Variants in GRID1 observed in about 807,000 individuals in gnomAD.
GRID1 encodes the protein glutamate receptor ionotropic, delta-1.
Under a neutral mutation model 98.0 loss-of-function variants are expected in GRID1, and 28 were observed. The observed-to-expected ratio is 0.29, with a 90% confidence interval of 0.21 to 0.39. The LOEUF is 0.39. Among genes scored for constraint, GRID1 ranks in the 10% least tolerant of loss-of-function variants. The probability of loss-of-function intolerance (pLI) is 1.00; values close to 1 mark genes in which losing one functional copy is unlikely to be tolerated. For missense variants in GRID1, 1,111 were observed against 1,340.5 expected (o/e 0.83, Z 2.67); for synonymous variants, 553 against 538.5 (o/e 1.03, Z -0.37).
intron 2 of GRID1, among the ~76,000 whole-genome samples, chr10:86,227,951 G>T (rs1459835836): frequency 6.6e-6 from 1 of 152,130 alleles, no homozygotes; most frequent in Non-Finnish European, 1.5e-5. Context: ...CAGACAGATG[G>T]GTAGGTAGAT....
intron 4 of GRID1, among the ~76,000 whole-genome samples, chr10:86,100,958 A>C (rs1276845508): frequency 6.6e-6 from 1 of 152,108 alleles, no homozygotes; most frequent in African/African-American, 2.4e-5. Context: ...GTGAGACTTG[A>C]GGCTGTTTGT....
chr10:85,955,314 T>C (rs1349167021), intron 4 of GRID1, among the ~76,000 whole-genome samples: 1 of 152,104 alleles, frequency 6.6e-6, no homozygotes, highest in Non-Finnish European at 1.5e-5. Context: ...AAACAACATA[T>C]GGAGACACCA....
At chr10:85,868,685 C>T (rs1400184988) in intron 6 of GRID1, among the ~76,000 whole-genome samples, 1 of 152,188 alleles carries the variant, frequency 6.6e-6, no homozygotes, top group African/African-American at 2.4e-5. Context: ...ACTCCACCCC[C>T]AGCCCTGCCA....
Position 85,684,681 on chromosome 10 carries a change from A to C in GRID1, c.1998-37284T>G, listed in dbSNP as rs77231499. Among the ~76,000 whole-genome samples, 865 of 152,358 alleles carry C rather than the reference A, an allele frequency of 5.7e-3. 33 individuals are homozygous for C. The highest frequency in any genetic ancestry group is 0.052 in the Admixed American group (792 of 15,288). ...TCCTTTGAGAGAAGAAACAAAATGC[A>C]TAAGTCCACCATACTATTTAGCTCA... On this transcript the variant is annotated intron_variant, in intron 12 of 15. Coordinates refer to ENST00000327946, the MANE Select transcript of GRID1 (RefSeq NM_017551.3).
chr10:86,346,058 C>T (rs1589456889), intron 2 of GRID1, among the ~76,000 whole-genome samples: 2 of 152,246 alleles, frequency 1.3e-5, no homozygotes, highest in Admixed American at 1.3e-4. Context: ...TCCCACACCC[C>T]TGGGCAGGCT....
At chr10:86,342,915 G>A (rs983172050) in intron 2 of GRID1, among the ~76,000 whole-genome samples, 1 of 152,226 alleles carries the variant, frequency 6.6e-6, no homozygotes, top group Middle Eastern at 3.2e-3. Flanking sequence ...AGATCCTGGC[G>A]TTCCTTGGTG....
At chr10:86,019,465 C>G (rs958547989) in intron 4 of GRID1, among the ~76,000 whole-genome samples, 2 of 152,238 alleles carry the variant, frequency 1.3e-5, no homozygotes, top group Non-Finnish European at 2.9e-5. Context: ...GGGCATTTCC[C>G]CTTTCCTGCC....
intron 13 of GRID1, among the ~76,000 whole-genome samples, chr10:85,637,763 A>T (rs79408710): frequency 0.033 from 5,051 of 152,308 alleles, 125 homozygotes; most frequent in Non-Finnish European, 0.047. Context: ...CTTATAGATT[A>T]TAAAATATGT....
chr10:86,318,741 C>CTCATTCAT (rs936520453), intron 2 of GRID1, among the ~76,000 whole-genome samples: 4 of 152,202 alleles, frequency 2.6e-5, no homozygotes, highest in Non-Finnish European at 5.9e-5. Context: ...CATTCACTCC[C>CTCATTCAT]TCATTCATTC....
chr10:86,255,319 A>G (rs999389360), intron 2 of GRID1, among the ~76,000 whole-genome samples: 4 of 152,242 alleles, frequency 2.6e-5, no homozygotes, highest in African/African-American at 9.6e-5. Context: ...CTCCATCCCA[A>G]GGGATCAATG....
intron 8 of GRID1, among the ~76,000 whole-genome samples, chr10:85,788,380 T>G (rs566158019): frequency 6.6e-6 from 1 of 152,194 alleles, no homozygotes; most frequent in Admixed American, 6.5e-5. Context: ...TTAATTATTA[T>G]GTTTAGGTGT....
intron 4 of GRID1, among the ~76,000 whole-genome samples, chr10:86,035,345 T>C (rs1412472657): frequency 2.0e-5 from 3 of 152,224 alleles, no homozygotes; most frequent in African/African-American, 2.4e-5. Flanking sequence ...TCCTGAAGGA[T>C]TGAGTTCCAA....
intron 2 of GRID1, among the ~76,000 whole-genome samples, chr10:86,299,344 A>G (rs77495349): frequency 4.5e-5 from 3 of 67,254 alleles, no homozygotes; most frequent in Non-Finnish European, 1.0e-4. Context: ...TTTTTTTTTT[A>G]TCATTATACT....
chr10:86,113,405 T>C (rs1301980313), intron 4 of GRID1, among the ~76,000 whole-genome samples: 1 of 152,184 alleles, frequency 6.6e-6, no homozygotes, highest in Non-Finnish European at 1.5e-5. Flanking sequence ...ACTTTTGCAA[T>C]GGTAAAGGTC....
intron 2 of GRID1, among the ~76,000 whole-genome samples, chr10:86,210,422 C>T (rs1846091731): frequency 6.6e-6 from 1 of 152,214 alleles, no homozygotes; most frequent in Non-Finnish European, 1.5e-5. Context: ...AATCTCTACC[C>T]AGCAGAGCTA....
chr10:85,873,426 G>A (rs562502013), intron 5 of GRID1, among the ~76,000 whole-genome samples: 105 of 152,270 alleles, frequency 6.9e-4, no homozygotes, highest in African/African-American at 2.3e-3. Flanking sequence ...CTGAGTGCAC[G>A]GGCTCAAAAT....
chr10:86,167,378 T>C (rs1340954313), intron 3 of GRID1, among the ~76,000 whole-genome samples: 1 of 151,978 alleles, frequency 6.6e-6, no homozygotes, highest in Non-Finnish European at 1.5e-5. Flanking sequence ...ACCACCGAGC[T>C]GGTCCCAGAA....
intron 2 of GRID1, among the ~76,000 whole-genome samples, chr10:86,236,963 G>A (rs113402702): frequency 0.015 from 2,314 of 152,230 alleles, 59 homozygotes; most frequent in African/African-American, 0.053. Context: ...GGAGGTAGAC[G>A]TGGTGAGATA....
chr10:86,146,425 C>T (rs754430959), intron 3 of GRID1, among the ~76,000 whole-genome samples: 1 of 152,202 alleles, frequency 6.6e-6, no homozygotes, highest in Non-Finnish European at 1.5e-5. Flanking sequence ...ATTCCCCTCC[C>T]ACCACCAGCT....
Sources: gnomAD v4.1 joint callset for allele counts (sites outside exome capture counted in the v4.1 genomes callset) on GRCh38, gnomAD v4.1.1 for gene constraint, MANE v1.5 for transcripts, NCBI Gene and HGNC (gene_info 2026-07-23, HGNC 2026-07-21) for gene names.